Variants in DOCK1 observed in about 807,000 individuals in gnomAD.
DOCK1 encodes dedicator of cytokinesis 1, also known as dedicator of cytokinesis protein 1.
In DOCK1, 138 loss-of-function variants were observed where a neutral mutation model predicts 262.7. The ratio of observed to expected loss-of-function variants is 0.53; its 90% confidence interval spans 0.46 to 0.61. The LOEUF is 0.61. Among genes scored for constraint, DOCK1 ranks in the 20% least tolerant of loss-of-function variants. The probability of loss-of-function intolerance (pLI) is 0.00; values close to 1 mark genes in which losing one functional copy is unlikely to be tolerated. For missense variants in DOCK1, 1,908 were observed against 2,370.7 expected, an observed-to-expected ratio of 0.80 and a Z score of 4.05; for synonymous variants, 866 against 867.4, an observed-to-expected ratio of 1.00 and a Z score of 0.03.
chr10:126,955,055 C>T (rs964740171), intron 1 of DOCK1, among the ~76,000 whole-genome samples: 3 of 152,214 alleles, frequency 2.0e-5, no homozygotes, highest in Non-Finnish European at 2.9e-5. Context: ...TGCTTCAGAT[C>T]CTTACCAACA....
intron 27 of DOCK1, among the ~76,000 whole-genome samples, chr10:127,143,081 C>T (rs1340218962): frequency 6.6e-6 from 1 of 152,206 alleles, no homozygotes; most frequent in East Asian, 1.9e-4. Context: ...AGCTTATTCT[C>T]TGTTTGTCTC....
chr10:127,103,241 A>G (rs1358369633), intron 23 of DOCK1, among the ~76,000 whole-genome samples: 1 of 152,202 alleles, frequency 6.6e-6, no homozygotes, highest in Non-Finnish European at 1.5e-5. Flanking sequence ...AGACGTCCAC[A>G]TAAGGGTTTT....
intron 38 of DOCK1, among the ~76,000 whole-genome samples, chr10:127,388,448 T>C (rs1002428000): frequency 6.6e-6 from 1 of 152,212 alleles, no homozygotes; most frequent in African/African-American, 2.4e-5. Context: ...ATTTGAAGTA[T>C]CTGAGTGATC....
chr10:126,970,663 TTTACTA>T (rs2038033517), intron 1 of DOCK1, 33 bp from the exon 2 acceptor site: 1 of 1,527,330 alleles, frequency 6.5e-7, no homozygotes. Flanking sequence ...CACTTCTATC[TTTACTA>T]TTACTAATAT....
chr10:127,261,743 G>A lies in DOCK1; in HGVS notation c.3044+4314G>A, dbSNP rs538710977. On this transcript the variant is annotated intron_variant, in intron 29 of 51. Coordinates refer to ENST00000623213, the MANE Select transcript of DOCK1 (RefSeq NM_001290223.2). ...CATGTGGGTGTGCGTGTGTGTACCCGTGCTCATCTGTGTGTGTGCATGTGG... is the reference window on the plus strand; with the variant it reads ...CATGTGGGTGTGCGTGTGTGTACCCATGCTCATCTGTGTGTGTGCATGTGG... Among the ~76,000 whole-genome samples the A allele has an allele frequency of 4.0e-4, 57 of 140,898 alleles. 2 individuals carry two copies. The highest frequency in any genetic ancestry group is 1.3e-3 in the African/African-American group (49 of 36,426). The allele number at this position is 140,898 out of a possible 152,430, so 92.4% of individuals were successfully genotyped here.
At chr10:127,262,860 C>T (rs993889985) in intron 29 of DOCK1, among the ~76,000 whole-genome samples, 2 of 152,152 alleles carry the variant, frequency 1.3e-5, no homozygotes, top group Admixed American at 6.5e-5. Context: ...CCCTCTGGGA[C>T]AGCTGCTGTG....
chr10:127,129,925 G>C (rs1182013129), intron 27 of DOCK1, among the ~76,000 whole-genome samples: 1 of 152,040 alleles, frequency 6.6e-6, no homozygotes, highest in African/African-American at 2.4e-5. Context: ...ACATGGTTCT[G>C]TCTCTGGTTA....
intron 29 of DOCK1, among the ~76,000 whole-genome samples, chr10:127,323,493 G>A (rs116295058): frequency 1.2e-3 from 186 of 152,246 alleles, no homozygotes; most frequent in Non-Finnish European, 2.0e-3. Context: ...AAAGCCAAAG[G>A]TCGTTATCCA....
At chr10:127,275,644 T>TGAGTTCTA (rs1186841431) in intron 29 of DOCK1, among the ~76,000 whole-genome samples, 1 of 151,912 alleles carries the variant, frequency 6.6e-6, no homozygotes, top group African/African-American at 2.4e-5. Context: ...ATGAGGGCAA[T>TGAGTTCTA]GAGTTCTAGA....
intron 26 of DOCK1, among the ~76,000 whole-genome samples, chr10:127,125,854 T>C (rs968036273): frequency 5.3e-5 from 8 of 152,188 alleles, no homozygotes; most frequent in African/African-American, 1.9e-4. Context: ...TCTCAGGACC[T>C]AAATTTTCAT....
chr10:126,994,933 T>C (rs1261301297), intron 6 of DOCK1, among the ~76,000 whole-genome samples: 5 of 144,016 alleles, frequency 3.5e-5, no homozygotes, highest in African/African-American at 1.3e-4. Flanking sequence ...ACGGGGTGGC[T>C]GCCGGGTGGA....
intron 1 of DOCK1, among the ~76,000 whole-genome samples, chr10:126,961,866 G>A (rs2037250526): frequency 6.6e-6 from 1 of 152,196 alleles, no homozygotes; most frequent in African/African-American, 2.4e-5. Flanking sequence ...GTATCCAGAA[G>A]TGGAATTGCT....
intron 1 of DOCK1, among the ~76,000 whole-genome samples, chr10:126,949,691 A>T (rs1007776335): frequency 2.6e-5 from 4 of 152,174 alleles, no homozygotes; most frequent in Non-Finnish European, 4.4e-5. Flanking sequence ...AAGGATCTGG[A>T]GGGGAAAAGT....
At chr10:127,004,706 G>A (rs974862657) in intron 10 of DOCK1, among the ~76,000 whole-genome samples, 3 of 150,456 alleles carry the variant, frequency 2.0e-5, no homozygotes, top group South Asian at 4.2e-4. Context: ...AGCCATGATC[G>A]TGCCATTGTA....
intron 27 of DOCK1, among the ~76,000 whole-genome samples, chr10:127,218,582 CTGAAATGAAGCAGTGGTTTTT>C (rs1414798459): frequency 6.6e-6 from 1 of 152,180 alleles, no homozygotes; most frequent in East Asian, 1.9e-4. Flanking sequence ...ACTGTTTGTG[CTGAAATGAAGCAGTGGTTTTT>C]CAAAGCTCAC....
chr10:126,998,051 A>C, intron 7 of DOCK1, 41 bp from the exon 8 acceptor site: 1 of 1,609,338 alleles, frequency 6.2e-7, no homozygotes. Flanking sequence ...GTCAGTGATG[A>C]GTGTTGCTGG....
intron 25 of DOCK1, among the ~76,000 whole-genome samples, chr10:127,114,870 C>T (rs560519099): frequency 4.0e-4 from 61 of 151,948 alleles, no homozygotes; most frequent in Middle Eastern, 3.4e-3. Flanking sequence ...GATTCTCCTG[C>T]CTCAGCCTCC....
chr10:127,048,612 CT>C (rs1462399059), intron 21 of DOCK1, among the ~76,000 whole-genome samples: 3 of 152,186 alleles, frequency 2.0e-5, no homozygotes, highest in Non-Finnish European at 2.9e-5. Context: ...CCTGCACTGT[CT>C]AATGTCACAG....
intron 18 of DOCK1, 94 bp downstream of exon 18, chr10:127,032,414 G>C: frequency 7.6e-7 from 1 of 1,312,862 alleles, no homozygotes; most frequent in Non-Finnish European, 1.0e-6. Context: ...TGCTCCGTAG[G>C]TGCATGAACG....
Sources: allele counts gnomAD v4.1 joint callset (sites outside exome capture counted in the v4.1 genomes callset), GRCh38; gene constraint gnomAD v4.1.1; transcripts MANE v1.5; gene names NCBI Gene and HGNC (gene_info 2026-07-23, HGNC 2026-07-21).